EXOC6B: variants seen among roughly 807,000 people sequenced by gnomAD.
EXOC6B encodes the protein exocyst complex component 6B, also known as SEC15 homolog B.
In EXOC6B, 54 loss-of-function variants were observed where a neutral mutation model predicts 113.5. The ratio of observed to expected loss-of-function variants is 0.48; its 90% CI spans 0.38 to 0.60. The LOEUF (loss-of-function observed/expected upper bound fraction) is 0.60. Among genes scored for constraint, EXOC6B ranks in the 20% least tolerant of loss-of-function variants. The pLI, the probability that EXOC6B is intolerant of heterozygous loss-of-function variation, is 0.00. For missense variants in EXOC6B, 797 were observed against 977.5 expected, an observed-to-expected ratio of 0.82 and a Z score of 2.46; for synonymous variants, 357 against 339.0, an observed-to-expected ratio of 1.05 and a Z score of -0.58.
chr2:72,674,554 G>A (rs1037349683), intron 6 of EXOC6B, among the ~76,000 whole-genome samples: 1 of 152,136 alleles, frequency 6.6e-6, no homozygotes, highest in African/African-American at 2.4e-5. Flanking sequence ...TGTGCAGGCC[G>A]GGCGCGGTGG....
intron 1 of EXOC6B, among the ~76,000 whole-genome samples, chr2:72,755,849 A>G (rs1682380052): frequency 6.6e-6 from 1 of 151,896 alleles, no homozygotes. Flanking sequence ...AGCAGTCCCT[A>G]CGGGCTTTTA....
chr2:72,610,806 T>A (rs770929583), intron 6 of EXOC6B, among the ~76,000 whole-genome samples: 4 of 152,146 alleles, frequency 2.6e-5, no homozygotes, highest in Non-Finnish European at 5.9e-5. Flanking sequence ...ATGGGCTGCA[T>A]TTAGCGGTCC....
At chr2:72,758,339 T>C (rs1558978526) in intron 1 of EXOC6B, among the ~76,000 whole-genome samples, 1 of 152,064 alleles carries the variant, frequency 6.6e-6, no homozygotes. Context: ...CTTCAATGGT[T>C]ATTATGATGG....
At chr2:72,423,481 AAAT>A (rs1226983303) in intron 18 of EXOC6B, among the ~76,000 whole-genome samples, 1 of 152,202 alleles carries the variant, frequency 6.6e-6, no homozygotes, top group Non-Finnish European at 1.5e-5. Context: ...AGAATTTATT[AAAT>A]AATGTGTTTT....
chr2:72,766,673 G>A (rs1683076676), intron 1 of EXOC6B, among the ~76,000 whole-genome samples: 1 of 152,034 alleles, frequency 6.6e-6, no homozygotes, highest in Non-Finnish European at 1.5e-5. Context: ...CCACATTGAG[G>A]TTGGGCACAG....
chr2:72,560,578 A>T, intron 7 of EXOC6B, among the ~76,000 whole-genome samples: 1 of 152,074 alleles, frequency 6.6e-6, no homozygotes, highest in East Asian at 1.9e-4. Flanking sequence ...TCTTAATGAA[A>T]TCTACTAATT....
chr2:72,632,654 TTATA>T (rs1672547261), intron 6 of EXOC6B, among the ~76,000 whole-genome samples: 2 of 152,252 alleles, frequency 1.3e-5, no homozygotes, highest in South Asian at 4.1e-4. Context: ...TGAAAAATAC[TTATA>T]AGTAAGTCTC....
intron 19 of EXOC6B, among the ~76,000 whole-genome samples, chr2:72,342,146 T>C (rs148801181): frequency 6.6e-4 from 101 of 152,184 alleles, no homozygotes; most frequent in African/African-American, 2.3e-3. Flanking sequence ...TTATTAGATA[T>C]TTATTAATAC....
At position 72,492,425 on chromosome 2, in the gene EXOC6B, T is replaced by G; in HGVS notation, c.1558A>C (p.Thr520Pro). Residue 520 changes from threonine (T) to proline (P), a missense_variant, in exon 16 of 22, where the codon ACT (threonine) becomes CCT (proline). Transcript: ENST00000272427. ...KFSEDLHLSS[T>P]EVDDMIRKST... Reference sequence around the variant, plus strand: ...TTCCGAATCATGTCATCAACTTCAGTTGAGCTGAAAAAGAAGCATTAAGAG... The same window carrying G: ...TTCCGAATCATGTCATCAACTTCAGGTGAGCTGAAAAAGAAGCATTAAGAG... 1 of 1,610,288 alleles carries G rather than the reference T, an allele frequency of 6.2e-7. No homozygotes were observed. Among genetic ancestry groups the G allele is most frequent in the African/African-American group, 1.3e-5 (1 of 74,946 alleles).
At chr2:72,455,736 A>C (rs17008188) in intron 18 of EXOC6B, among the ~76,000 whole-genome samples, 33,797 of 152,048 alleles carry the variant, frequency 0.22, 6,159 homozygotes, top group African/African-American at 0.5. Flanking sequence ...ATATATATTA[A>C]TACCTACATA....
intron 17 of EXOC6B, among the ~76,000 whole-genome samples, chr2:72,479,792 T>C (rs1443465734): frequency 2.0e-5 from 3 of 152,196 alleles, no homozygotes. Flanking sequence ...ATGACTGTCA[T>C]TTCTTCCCAT....
At chr2:72,713,976 T>A (rs1012647650) in intron 6 of EXOC6B, among the ~76,000 whole-genome samples, 1 of 152,156 alleles carries the variant, frequency 6.6e-6, no homozygotes. Context: ...AGAAGTGAGA[T>A]GTGCCACTTA....
At chr2:72,639,185 GT>G (rs1304019538) in intron 6 of EXOC6B, among the ~76,000 whole-genome samples, 1 of 152,164 alleles carries the variant, frequency 6.6e-6, no homozygotes, top group Admixed American at 6.5e-5. Context: ...TGAGTACAGT[GT>G]TCCCCCTGCC....
chr2:72,552,197 G>GA (rs886861844), intron 8 of EXOC6B, among the ~76,000 whole-genome samples: 9 of 152,100 alleles, frequency 5.9e-5, no homozygotes, highest in East Asian at 1.9e-4. Context: ...TTATTTGAGG[G>GA]AAAAAAATTC....
At chr2:72,617,539 T>G (rs1038515071) in intron 6 of EXOC6B, among the ~76,000 whole-genome samples, 1 of 145,680 alleles carries the variant, frequency 6.9e-6, no homozygotes, top group Non-Finnish European at 1.5e-5. Context: ...TTTTTTTTTT[T>G]GAGGCAGGAG....
Position 72,559,533 on chromosome 2 carries a change from A to G in EXOC6B, c.847-12T>C. 6.2e-7 allele frequency: 1 copy of G among 1,604,610 alleles called. No individual in the cohort carries two copies. Among genetic ancestry groups the G allele is most frequent in the Non-Finnish European group, 8.5e-7 (1 of 1,176,198 alleles). ...TGGGCCCCAGGTACCTGCAAACACA[A>G]GATTATAACAAAAAAATTCAAACAA... On this transcript the variant is annotated splice_polypyrimidine_tract_variant and intron_variant, in intron 7 of 21. Transcript: ENST00000272427.
At chr2:72,261,426 G>C (rs1683708071) in intron 20 of EXOC6B, among the ~76,000 whole-genome samples, 1 of 152,140 alleles carries the variant, frequency 6.6e-6, no homozygotes. Flanking sequence ...TTGAAGGCTG[G>C]AAGGAGTTTG....
chr2:72,774,830 C>A (rs967702638), intron 1 of EXOC6B, among the ~76,000 whole-genome samples: 51 of 152,154 alleles, frequency 3.4e-4, no homozygotes, highest in Admixed American at 6.5e-5. Context: ...ATGCATCAGT[C>A]ACAAACTAAG....
At chr2:72,441,456 ACTT>A (rs1301519373) in intron 18 of EXOC6B, among the ~76,000 whole-genome samples, 1 of 151,380 alleles carries the variant, frequency 6.6e-6, no homozygotes, top group Non-Finnish European at 1.5e-5. Context: ...AAATAAAGAA[ACTT>A]TTTTTGAAAA....
Sources: allele counts gnomAD v4.1 joint callset (sites outside exome capture counted in the v4.1 genomes callset), GRCh38; gene constraint gnomAD v4.1.1; transcripts MANE v1.5; gene names NCBI Gene and HGNC (gene_info 2026-07-23, HGNC 2026-07-21).